Variants in PIEZO1 observed in about 807,000 individuals in gnomAD.
PIEZO1 encodes piezo type mechanosensitive ion channel component 1 (Er blood group), also known as piezo-type mechanosensitive ion channel component 1.
Under a neutral mutation model 297.2 loss-of-function variants are expected in PIEZO1, and 296 were observed. The observed-to-expected ratio is 1.00, with a 90% CI of 0.91 to 1.10. PIEZO1 has a LOEUF of 1.10. Ranked by LOEUF, PIEZO1 falls within the 50% of genes least tolerant of loss-of-function variation. The pLI is 0.00. For synonymous variants in PIEZO1, 2,427 were observed against 1,507.5 expected, an observed-to-expected ratio of 1.61 and a Z score of -14.13; for missense variants, 5,018 against 3,455.5, an observed-to-expected ratio of 1.45 and a Z score of -11.34.
chr16:88,770,448 G>C (rs1038694469), intron 1 of PIEZO1, among the ~76,000 whole-genome samples: 4 of 152,230 alleles, frequency 2.6e-5, no homozygotes, highest in African/African-American at 4.8e-5. Flanking sequence ...CCAGGCTGTA[G>C]CGAGGATGGC....
At chr16:88,767,606 A>C (rs11643303) in intron 1 of PIEZO1, among the ~76,000 whole-genome samples, 40,272 of 152,120 alleles carry the variant, frequency 0.26, 8,698 homozygotes, top group African/African-American at 0.6. Flanking sequence ...CTGAGCCAGA[A>C]CCCACATTTG....
rs890869188 is a variant in PIEZO1 at position 88,766,092 on chromosome 16, G to A, written c.65-16613C>T. Among the ~76,000 whole-genome samples, 9 of 152,338 alleles carry A rather than the reference G, an allele frequency of 5.9e-5. No homozygotes were observed. In the East Asian group the frequency reaches 1.5e-3, roughly 26 times the overall value. On this transcript the variant is annotated intron_variant, in intron 1 of 50. Transcript: ENST00000301015. ...GCGTGGGTGCCGTGGTCACGCCTGC[G>A]GGTGGGGTGTGAGGGTTGATTCATG...
At chr16:88,761,633 C>T (rs1423512610) in intron 1 of PIEZO1, among the ~76,000 whole-genome samples, 2 of 152,142 alleles carry the variant, frequency 1.3e-5, no homozygotes, top group African/African-American at 4.8e-5. Context: ...GTGAACGACC[C>T]CCAGCATGGC....
In PIEZO1 at chr16:88,722,133, G is replaced by A. The variant is rs113172498; in HGVS notation, c.4956-67C>T. The A allele has an allele frequency of 7.2e-6, 11 of 1,521,908 alleles. No homozygotes were observed. The African/African-American group carries it at 1.2e-4, about 17-fold the overall frequency. The allele number at this position is 1,521,908 out of a possible 1,614,324, so 94.3% of individuals were successfully genotyped here. On this transcript the variant is annotated intron_variant, in intron 36 of 50. Coordinates refer to ENST00000301015, the MANE Select transcript of PIEZO1 (RefSeq NM_001142864.4). ...CGAAGGCATGACGGCCCGATCTGTT[G>A]CCGGTCACAGTCAGTCTCCTGCCCC...
chr16:88,737,377 C>T (rs764630133), intron 10 of PIEZO1, 182 bp downstream of exon 10: 11 of 567,798 alleles, frequency 1.9e-5, no homozygotes, highest in South Asian at 1.0e-4. Context: ...CATGGCCACT[C>T]GGCTGCCCTG....
At chr16:88,776,802 C>T (rs905312402) in intron 1 of PIEZO1, among the ~76,000 whole-genome samples, 2 of 152,220 alleles carry the variant, frequency 1.3e-5, no homozygotes, top group Admixed American at 1.3e-4. Flanking sequence ...CCACCCACGG[C>T]CCCTGAGCCT....
chr16:88,776,251 G>A (rs573537984), intron 1 of PIEZO1, among the ~76,000 whole-genome samples: 3 of 152,306 alleles, frequency 2.0e-5, no homozygotes, highest in South Asian at 2.1e-4. Context: ...TGGTTAACAC[G>A]GTGAAACCCC....
At chr16:88,734,144 G>A (rs1017056675) in intron 16 of PIEZO1, 90 bp from the exon 17 acceptor site, 10 of 1,364,304 alleles carry the variant, frequency 7.3e-6, no homozygotes, top group African/African-American at 7.2e-5. Context: ...CACCGCTTCT[G>A]CTGCAGCTGC....
intron 2 of PIEZO1, chr16:88,743,327 G>C (rs1032534044): frequency 3.5e-5 from 16 of 455,604 alleles, no homozygotes; most frequent in Non-Finnish European, 6.2e-5. Context: ...TCTGAGTCCT[G>C]ACAGGGCTGT....
chr16:88,738,423 C>T lies in PIEZO1; in HGVS notation c.652G>A (p.Ala218Thr). 6.5e-7 allele frequency: 1 copy of T among 1,535,798 alleles called. No homozygotes were observed. Among genetic ancestry groups the T allele is most frequent in the Non-Finnish European group, 8.7e-7 (1 of 1,146,820 alleles). ...LALAGIAHPSALSSVYLLLFL... is the reference protein window; with the variant it reads ...LALAGIAHPSTLSSVYLLLFL... Reference sequence around the variant, plus strand: ...AGCAGCAGGTAGACACTGGAGAGGGCCGAGGGGTGGGCGATGCCTGCGGGG... The same window carrying T: ...AGCAGCAGGTAGACACTGGAGAGGGTCGAGGGGTGGGCGATGCCTGCGGGG... Residue 218 changes from alanine (A) to threonine (T), a missense_variant, in exon 7 of 51, where the codon GCC becomes ACC. Ala to Thr is a moderately conservative substitution (Grantham distance 58). Coordinates refer to ENST00000301015, the MANE Select transcript of PIEZO1 (RefSeq NM_001142864.4).
rs763492110 is a variant in PIEZO1 at position 88,733,984 on chromosome 16, CCTCCTGCTGCTGCTGCTGATG to C, written c.2230_2250del (p.His744_Glu750del). Reference sequence around the variant, plus strand: ...CTGGAGTCCTCCTCCTCCTCCTCCTCCTCCTGCTGCTGCTGCTGATGCTCCTGCTGCTCCTCCCGCAGCAGT... The same window carrying C: ...CTGGAGTCCTCCTCCTCCTCCTCCTCCTCCTGCTGCTCCTCCCGCAGCAGT... On this transcript the variant is annotated inframe_deletion, in exon 17 of 51. Coordinates refer to ENST00000301015, the MANE Select transcript of PIEZO1 (RefSeq NM_001142864.4). 1.1e-5 allele frequency: 17 copies of C among 1,522,076 alleles called. No individual in the cohort carries two copies. The highest frequency in any genetic ancestry group is 1.4e-5 in the Non-Finnish European group (16 of 1,123,510). The allele number at this position is 1,522,076 out of a possible 1,614,324, so 94.3% of individuals were successfully genotyped here. A position where few individuals can be genotyped will look rare whatever the true frequency, so the allele number is the denominator to read the frequency against.
At position 88,722,905 on chromosome 16, in the gene PIEZO1, G is replaced by C; in HGVS notation, c.4600C>G (p.Arg1534Gly). The change falls in exon 34 of 51, where the codon CGG becomes GGG. Residue 1534 changes from arginine (R) to glycine (G), a missense_variant. By Grantham distance (125) the Arg-to-Gly change is moderately radical. Transcript: ENST00000301015. Reference protein sequence around the residue: ...ELTRWLQEFTRHHGTMSDVLR... With the variant: ...ELTRWLQEFTGHHGTMSDVLR... ...ACGTCGCTCATGGTGCCGTGGTGCC[G>C]GGTGAACTCCTGCAGCCAGCGTGTC... 2 of 1,549,262 alleles carry C rather than the reference G, an allele frequency of 1.3e-6. No homozygotes were observed. Among genetic ancestry groups the C allele is most frequent in the Non-Finnish European group, 1.7e-6 (2 of 1,146,796 alleles).
rs529613614 is a variant in PIEZO1 at position 88,715,611 on chromosome 16, C to T, written c.7560G>A (p.Lys2520=). Residue 2520 remains lysine (K), a synonymous_variant, in exon 51 of 51, where the codon AAG becomes AAA. Coordinates refer to ENST00000301015, the MANE Select transcript of PIEZO1 (RefSeq NM_001142864.4). ...PETMIKWTRE[K]E ...CGGGCGCCAGCAGCAGCTCCTACTC[C>T]TTCTCACGAGTCCACTTGATCATGG... The T allele has an allele frequency of 4.5e-6, 7 of 1,549,790 alleles. No homozygotes were observed. The African/African-American group carries it at 9.6e-5, about 21-fold the overall frequency.
At chr16:88,781,538 G>A (rs1450295019) in intron 1 of PIEZO1, among the ~76,000 whole-genome samples, 4 of 152,234 alleles carry the variant, frequency 2.6e-5, no homozygotes, top group South Asian at 2.1e-4. Flanking sequence ...GACAGAGTGC[G>A]CCCCTCTGTC....
rs559379549 is a variant in PIEZO1 at position 88,721,337 on chromosome 16, C to G, written c.5497G>C (p.Val1833Leu). The G allele has an allele frequency of 3.2e-6, 5 of 1,547,946 alleles. No individual in the cohort carries two copies. The South Asian group carries it at 5.9e-5, about 18-fold the overall frequency. Residue 1833 changes from valine (V) to leucine (L), a missense_variant, in exon 39 of 51, where the codon GTG (valine) becomes CTG (leucine). Val to Leu is a conservative substitution (Grantham distance 32, BLOSUM62 1). Coordinates refer to ENST00000301015, the MANE Select transcript of PIEZO1 (RefSeq NM_001142864.4). ...TGGTCTTCGGTGGTGGCCGCAGGCA[C>G]CCCTGGCCCCTCCTCGGCTCCCTGC... Reference protein sequence around the residue: ...EEQGAEEGPGVPAATTEDHIQ... With the variant: ...EEQGAEEGPGLPAATTEDHIQ...
At chr16:88,779,881 G>T (rs1907850505) in intron 1 of PIEZO1, among the ~76,000 whole-genome samples, 1 of 152,226 alleles carries the variant, frequency 6.6e-6, no homozygotes, top group Admixed American at 6.5e-5. Context: ...CCCCACGATT[G>T]TGCGAGGAAT....
chr16:88,752,788 C>T (rs1356927856), intron 1 of PIEZO1, among the ~76,000 whole-genome samples: 1 of 147,780 alleles, frequency 6.8e-6, no homozygotes, highest in Non-Finnish European at 1.5e-5. Flanking sequence ...CCCGGCAGGG[C>T]AAGTCCCCTG....
At chr16:88,739,572 G>A (rs1567677160) in intron 5 of PIEZO1, 1 of 152,324 alleles carries the variant, frequency 6.6e-6, no homozygotes, top group East Asian at 1.9e-4. Context: ...GACAGTCTCC[G>A]TGCTCTGCAG....
Position 88,736,258 on chromosome 16 carries a change from C to A in PIEZO1, c.1447G>T (p.Val483Leu), listed in dbSNP as rs747301309. 3.2e-6 allele frequency: 5 copies of A among 1,549,994 alleles called. No homozygotes were observed. Among genetic ancestry groups the A allele is most frequent in the African/African-American group, 2.7e-5 (2 of 73,026 alleles). The change falls in exon 12 of 51, where the codon GTG becomes TTG. Residue 483 changes from valine to leucine, a missense_variant. Physicochemically the swap from Val to Leu is conservative, Grantham distance 32 (BLOSUM62 1). Coordinates refer to ENST00000301015, the MANE Select transcript of PIEZO1 (RefSeq NM_001142864.4). ...TCAGGGCGCAGGTCCATGGCCCACACGTAGCGTAGGCAGCACAGCGTCATC... is the reference window on the plus strand; with the variant it reads ...TCAGGGCGCAGGTCCATGGCCCACAAGTAGCGTAGGCAGCACAGCGTCATC... The part of the protein sequence containing the change: ...YGMTLCCLRY[V>L]WAMDLRPELP...
Sources: gnomAD v4.1 joint callset for allele counts (sites outside exome capture counted in the v4.1 genomes callset) on GRCh38, gnomAD v4.1.1 for gene constraint, MANE v1.5 for transcripts, NCBI Gene and HGNC (gene_info 2026-07-23, HGNC 2026-07-21) for gene names.